The following EIPR1 variants were observed in gnomAD, a reference collection of about 807,000 sequenced individuals.
The protein encoded by EIPR1 is EARP and GARP complex-interacting protein 1.
In EIPR1, 25 loss-of-function variants were observed where a neutral mutation model predicts 48.1. The ratio of observed to expected loss-of-function variants is 0.52; its 90% confidence interval spans 0.38 to 0.73. The LOEUF is 0.73. EIPR1 is among the 30% of genes least tolerant of loss of function. The pLI is 0.00. For synonymous variants in EIPR1, 204 were observed against 201.9 expected (o/e 1.01, Z -0.09); for missense variants, 415 against 506.2 (o/e 0.82, Z 1.73).
chr2:3,222,702 C>T (rs1240283477), intron 4 of EIPR1, among the ~76,000 whole-genome samples: 1 of 152,130 alleles, frequency 6.6e-6, no homozygotes, highest in Non-Finnish European at 1.5e-5. Context: ...GGGAGGGAGG[C>T]CTGGGCGTGG....
intron 1 of EIPR1, among the ~76,000 whole-genome samples, chr2:3,371,890 T>C (rs888147785): frequency 4.6e-5 from 7 of 152,178 alleles, no homozygotes; most frequent in African/African-American, 1.7e-4. Context: ...ACCTAATAGA[T>C]ATCTACAGAA....
chr2:3,239,537 G>C (rs1164669577), intron 4 of EIPR1, among the ~76,000 whole-genome samples: 5 of 152,212 alleles, frequency 3.3e-5, no homozygotes, highest in South Asian at 4.1e-4. Context: ...CGTCTGCTCT[G>C]CATGGACATC....
chr2:3,191,850 A>C (rs190575406), intron 8 of EIPR1, among the ~76,000 whole-genome samples: 1 of 152,218 alleles, frequency 6.6e-6, no homozygotes, highest in Non-Finnish European at 1.5e-5. Context: ...ATCCAGAACC[A>C]TGATGGTGTG....
intron 2 of EIPR1, among the ~76,000 whole-genome samples, chr2:3,352,941 G>A (rs1027228534): frequency 3.9e-5 from 6 of 152,234 alleles, no homozygotes; most frequent in Admixed American, 3.9e-4. Flanking sequence ...AGGTTGCAGT[G>A]AGCTGAGATC....
chr2:3,263,397 T>G (rs888312878), intron 3 of EIPR1, among the ~76,000 whole-genome samples: 3 of 152,172 alleles, frequency 2.0e-5, no homozygotes, highest in Admixed American at 2.0e-4. Context: ...AGGAAGAAGT[T>G]CATCCGACAC....
chr2:3,267,537 TGTCTATACAA>T (rs1667528306), intron 3 of EIPR1, among the ~76,000 whole-genome samples: 1 of 152,242 alleles, frequency 6.6e-6, no homozygotes, highest in South Asian at 2.1e-4. Flanking sequence ...TCACAGAGCA[TGTCTATACAA>T]GAATGCAGGC....
At chr2:3,275,845 C>G (rs1231487356) in intron 3 of EIPR1, among the ~76,000 whole-genome samples, 1 of 152,158 alleles carries the variant, frequency 6.6e-6, no homozygotes, top group African/African-American at 2.4e-5. Context: ...CTGCCAAAGA[C>G]TATACACTCA....
At chr2:3,245,349 A>T (rs759632694) in intron 4 of EIPR1, among the ~76,000 whole-genome samples, 2 of 152,088 alleles carry the variant, frequency 1.3e-5, no homozygotes, top group Non-Finnish European at 2.9e-5. Flanking sequence ...AGTACATGGG[A>T]TTACAGGCAG....
At chr2:3,231,272 T>C (rs1666235167) in intron 4 of EIPR1, among the ~76,000 whole-genome samples, 1 of 152,208 alleles carries the variant, frequency 6.6e-6, no homozygotes, top group South Asian at 2.1e-4. Context: ...TTTTCTATAT[T>C]AGGATCATGT....
At chr2:3,233,660 C>T (rs1666311933) in intron 4 of EIPR1, among the ~76,000 whole-genome samples, 1 of 152,168 alleles carries the variant, frequency 6.6e-6, no homozygotes, top group Non-Finnish European at 1.5e-5. Context: ...TGTGTACTGG[C>T]TGCTTCTCAC....
intron 3 of EIPR1, among the ~76,000 whole-genome samples, chr2:3,285,343 C>A (rs1668150041): frequency 6.7e-6 from 1 of 150,054 alleles, no homozygotes; most frequent in South Asian, 2.1e-4. Context: ...ACCCCCACCC[C>A]CCAGGTCCCA....
intron 3 of EIPR1, among the ~76,000 whole-genome samples, chr2:3,280,196 C>G (rs1027209417): frequency 2.0e-5 from 3 of 152,208 alleles, no homozygotes; most frequent in Non-Finnish European, 4.4e-5. Context: ...CCACACTGAC[C>G]GCCCTGCTTA....
intron 1 of EIPR1, among the ~76,000 whole-genome samples, chr2:3,362,431 C>G (rs527382236): frequency 6.6e-6 from 1 of 152,264 alleles, no homozygotes; most frequent in Admixed American, 6.5e-5. Flanking sequence ...TTTTAACAAC[C>G]TCTTAACCAA....
chr2:3,216,367 G>A (rs779718009), intron 4 of EIPR1, among the ~76,000 whole-genome samples: 2 of 152,220 alleles, frequency 1.3e-5, no homozygotes, highest in South Asian at 4.2e-4. Flanking sequence ...AGGAGTATCC[G>A]TGTGGGCTAT....
At chr2:3,267,870 A>G (rs1667539542) in intron 3 of EIPR1, among the ~76,000 whole-genome samples, 1 of 152,224 alleles carries the variant, frequency 6.6e-6, no homozygotes, top group African/African-American at 2.4e-5. Context: ...TAAGGAAGAA[A>G]TCGGCTGGCT....
chr2:3,283,330 C>T (rs1157339725), intron 3 of EIPR1, among the ~76,000 whole-genome samples: 6 of 152,330 alleles, frequency 3.9e-5, no homozygotes, highest in Admixed American at 3.3e-4. Flanking sequence ...AGTAACACTG[C>T]GCCAACAAAC....
chr2:3,242,105 C>T (rs945424965), intron 4 of EIPR1, among the ~76,000 whole-genome samples: 1 of 152,180 alleles, frequency 6.6e-6, no homozygotes, highest in Non-Finnish European at 1.5e-5. Context: ...GCTCCCGACT[C>T]GACACCACGG....
intron 3 of EIPR1, among the ~76,000 whole-genome samples, chr2:3,273,033 G>A (rs996118042): frequency 2.6e-5 from 4 of 152,192 alleles, no homozygotes; most frequent in East Asian, 1.9e-4. Flanking sequence ...CTATCTACGC[G>A]AAAACAGCTA....
chr2:3,200,664 AG>A (rs529377584), intron 5 of EIPR1, among the ~76,000 whole-genome samples: 262 of 139,070 alleles, frequency 1.9e-3, no homozygotes, highest in African/African-American at 5.8e-3. Context: ...CGGGGCAGGG[AG>A]GGGGGCAGGG....
Sources: gnomAD v4.1 joint callset for allele counts (sites outside exome capture counted in the v4.1 genomes callset) on GRCh38, gnomAD v4.1.1 for gene constraint, MANE v1.5 for transcripts, NCBI Gene and HGNC (gene_info 2026-07-23, HGNC 2026-07-21) for gene names.